Variants in UMAD1 observed in about 807,000 individuals in gnomAD.
The protein encoded by UMAD1 is UBAP1-MVB12-associated (UMA) domain containing 1, also known as UBAP1-MVB12-associated (UMA)-domain containing protein 1.
A neutral mutation model predicts 6.1 loss-of-function variants in UMAD1; 8 were observed. That is an observed-to-expected ratio of 1.30 (90% CI 0.76 to 2.35). The LOEUF (loss-of-function observed/expected upper bound fraction) is 2.35, where lower values mean the gene tolerates loss of function less well. Ranked by LOEUF, UMAD1 falls within the 30% of genes most tolerant of loss-of-function variation. The pLI, the probability that UMAD1 is intolerant of heterozygous loss-of-function variation, is 0.00. For synonymous variants in UMAD1, 56 were observed against 31.4 expected, an observed-to-expected ratio of 1.78 and a Z score of -2.61; for missense variants, 130 against 78.4, an observed-to-expected ratio of 1.66 and a Z score of -2.49.
At chr7:7,769,265 A>G (rs1220496967) in intron 2 of UMAD1, among the ~76,000 whole-genome samples, 2 of 152,182 alleles carry the variant, frequency 1.3e-5, no homozygotes, top group African/African-American at 4.8e-5. Flanking sequence ...TCAATTAGGG[A>G]GACTAAGTAG....
intron 1 of UMAD1, among the ~76,000 whole-genome samples, chr7:7,659,585 G>A (rs1284045811): frequency 6.6e-6 from 1 of 152,174 alleles, no homozygotes; most frequent in Non-Finnish European, 1.5e-5. Flanking sequence ...ACAGGAGCAG[G>A]TTGTTCAGTT....
chr7:7,655,952 C>T (rs1785331214), intron 1 of UMAD1, among the ~76,000 whole-genome samples: 2 of 152,174 alleles, frequency 1.3e-5, no homozygotes, highest in South Asian at 4.1e-4. Flanking sequence ...TCTCCTGCCT[C>T]AGCCTTCCGA....
intron 1 of UMAD1, among the ~76,000 whole-genome samples, chr7:7,658,478 A>G (rs367729143): frequency 1.3e-5 from 2 of 152,216 alleles, no homozygotes; most frequent in Non-Finnish European, 1.5e-5. Context: ...ATTTTGAGAT[A>G]CATTCCATCA....
At chr7:7,647,976 A>G (rs762438134) in intron 1 of UMAD1, among the ~76,000 whole-genome samples, 1 of 152,010 alleles carries the variant, frequency 6.6e-6, no homozygotes, top group Non-Finnish European at 1.5e-5. Flanking sequence ...GTTAGAATTT[A>G]TTTGTCTTAT....
At chr7:7,641,337 T>C (rs1784968824) in intron 1 of UMAD1, among the ~76,000 whole-genome samples, 1 of 152,146 alleles carries the variant, frequency 6.6e-6, no homozygotes, top group African/African-American at 2.4e-5. Context: ...TGGCCAGTAC[T>C]AGGGGAGACA....
intron 1 of UMAD1, among the ~76,000 whole-genome samples, chr7:7,656,509 C>G (rs1451272564): frequency 6.6e-6 from 1 of 152,086 alleles, no homozygotes; most frequent in Non-Finnish European, 1.5e-5. Context: ...ATGTTCCCCT[C>G]CCTGTGTCCA....
At chr7:7,749,703 A>G (rs562686535) in intron 2 of UMAD1, among the ~76,000 whole-genome samples, 2 of 152,278 alleles carry the variant, frequency 1.3e-5, no homozygotes, top group South Asian at 4.1e-4. Flanking sequence ...TAATATGTAG[A>G]TATGATGAAA....
rs11767178 is a variant in UMAD1, at chr7:7,830,351, G to A, written c.156+28608G>A. 6.8e-3 allele frequency among the ~76,000 whole-genome samples: 1,042 copies of A among 152,230 alleles called. 7 individuals carry two copies. Among genetic ancestry groups the A allele is most frequent in the Non-Finnish European group, 0.011 (735 of 68,020 alleles). ...CTGCCCTTCATTTCCAGCCTAGAAT[G>A]TGACTGTTTGCCCTGGAGCCTTTCC... On this transcript the variant is annotated intron_variant, in intron 3 of 3. Coordinates refer to ENST00000682710, the MANE Select transcript of UMAD1 (RefSeq NM_001302348.2). The surrounding 1 kb of genome is among the most constrained non-coding windows in gnomAD (Gnocchi z 5.3).
chr7:7,792,454 A>T (rs1199891858), intron 2 of UMAD1, among the ~76,000 whole-genome samples: 1 of 152,244 alleles, frequency 6.6e-6, no homozygotes, highest in Admixed American at 6.5e-5. Flanking sequence ...AGGGGAAACT[A>T]AACTGAATTG....
intron 3 of UMAD1, among the ~76,000 whole-genome samples, chr7:7,802,293 G>A (rs774180737): frequency 6.6e-6 from 1 of 152,084 alleles, no homozygotes; most frequent in South Asian, 2.1e-4. Context: ...CAGGAGACTC[G>A]CTTGAACCCC....
intron 2 of UMAD1, among the ~76,000 whole-genome samples, chr7:7,766,653 G>C (rs1450648966): frequency 1.3e-5 from 2 of 152,118 alleles, no homozygotes; most frequent in Non-Finnish European, 2.9e-5. Flanking sequence ...TTGTGAGCTG[G>C]TTAATGTTGA....
intron 3 of UMAD1, among the ~76,000 whole-genome samples, chr7:7,811,815 C>T (rs2115284811): frequency 6.6e-6 from 1 of 152,260 alleles, no homozygotes; most frequent in South Asian, 2.1e-4. Flanking sequence ...TCAAAAATTA[C>T]TTCAAAGATT....
chr7:7,641,856 A>G (rs1419327000), intron 1 of UMAD1, among the ~76,000 whole-genome samples: 1 of 152,192 alleles, frequency 6.6e-6, no homozygotes, highest in Non-Finnish European at 1.5e-5. Context: ...GCAATTTAAG[A>G]TTGGAATCTC....
intron 2 of UMAD1, among the ~76,000 whole-genome samples, chr7:7,712,990 A>G (rs1189676109): frequency 2.6e-5 from 4 of 152,128 alleles, no homozygotes; most frequent in Non-Finnish European, 4.4e-5. Context: ...ATAATTGCAG[A>G]CTAGCCTATT....
At chr7:7,742,058 G>A (rs565776383) in intron 2 of UMAD1, 2 of 550,952 alleles carry the variant, frequency 3.6e-6, no homozygotes, top group African/African-American at 1.9e-5. Flanking sequence ...CACAGGGCTT[G>A]GTACATCATA....
intron 1 of UMAD1, among the ~76,000 whole-genome samples, chr7:7,661,305 A>AG (rs1785468701): frequency 6.6e-6 from 1 of 152,060 alleles, no homozygotes; most frequent in South Asian, 2.1e-4. Context: ...CCATCTCTGA[A>AG]GCCTCCTTCT....
At chr7:7,866,755 G>A (rs186443264) in intron 3 of UMAD1, among the ~76,000 whole-genome samples, 6 of 152,306 alleles carry the variant, frequency 3.9e-5, no homozygotes, top group African/African-American at 7.2e-5. Context: ...CTTGTGTGTC[G>A]TGATAAGGAG....
chr7:7,682,846 C>G (rs1408104127), intron 2 of UMAD1, among the ~76,000 whole-genome samples: 2 of 152,234 alleles, frequency 1.3e-5, no homozygotes, highest in Non-Finnish European at 2.9e-5. Flanking sequence ...GATTTTTCAA[C>G]TAACTTCATG....
intron 2 of UMAD1, among the ~76,000 whole-genome samples, chr7:7,795,169 A>C (rs917950183): frequency 7.2e-5 from 11 of 152,214 alleles, no homozygotes; most frequent in African/African-American, 2.2e-4. Context: ...ACCAAACTGT[A>C]ACCTGACCGT....
Sources: allele counts gnomAD v4.1 joint callset (sites outside exome capture counted in the v4.1 genomes callset), GRCh38; gene constraint gnomAD v4.1.1; non-coding constraint Gnocchi (gnomAD v3.1); transcripts MANE v1.5; gene names NCBI Gene and HGNC (gene_info 2026-07-23, HGNC 2026-07-21).